Variants in USH2A observed in about 807,000 individuals in gnomAD.
The protein encoded by USH2A is usherin.
USH2A carries 443 observed loss-of-function variants against 538.9 expected under a neutral mutation model. The ratio of observed to expected loss-of-function variants is 0.82; its 90% CI spans 0.76 to 0.89. The LOEUF (loss-of-function observed/expected upper bound fraction) is 0.89, where lower values mean the gene tolerates loss of function less well. USH2A is among the 40% of genes least tolerant of loss of function. USH2A has a pLI of 0.00. For synonymous variants in USH2A, 2,413 were observed against 2,273.5 expected (o/e 1.06, Z -1.75); for missense variants, 6,633 against 6,324.8 (o/e 1.05, Z -1.65).
Position 215,750,416 on chromosome 1 carries a change from C to T in USH2A, c.11390-7081G>A, listed in dbSNP as rs567204015. On this transcript the variant is annotated intron_variant, in intron 58 of 71. Transcript: ENST00000307340. ...TAGGGTGTCCAGCATCATGTTTTGC[C>T]CCTGAGTGGGGCTCAGAAATAATTT... is the stretch of plus-strand genomic sequence containing the variant. Among the ~76,000 whole-genome samples, 5 of 152,150 alleles carry T rather than the reference C, an allele frequency of 3.3e-5. No homozygotes were observed. The South Asian group carries it at 1.0e-3, about 32-fold the overall frequency.
chr1:215,878,890 G>T lies in USH2A; in HGVS notation c.8432C>A (p.Pro2811His). The T allele has an allele frequency of 6.2e-7, 1 of 1,613,972 alleles. No individual in the cohort carries two copies. The highest frequency in any genetic ancestry group is 8.5e-7 in the Non-Finnish European group (1 of 1,179,950). Reference protein sequence around the residue: ...GYLGGCTESLPTYVTTHPTVP... With the variant: ...GYLGGCTESLHTYVTTHPTVP... ...GGTGGGGTGAGTGGTAACATAGGTA[G>T]GTAAACTCTCTGTGCACCCTCCAAG... The change falls in exon 42 of 72, where the codon CCT becomes CAT. Residue 2811 changes from proline (P) to histidine (H), a missense_variant. Physicochemically the swap from Pro to His is moderately conservative, Grantham distance 77. Transcript: ENST00000307340.
At chr1:215,766,131 A>G in intron 56 of USH2A, among the ~76,000 whole-genome samples, 1 of 152,124 alleles carries the variant, frequency 6.6e-6, no homozygotes, top group Admixed American at 6.5e-5. Flanking sequence ...ATCACTGTTC[A>G]TTTGTCAAAA....
Position 216,052,287 on chromosome 1 carries a change from C to T in USH2A, c.6050-3640G>A, listed in dbSNP as rs1226004682. Among the ~76,000 whole-genome samples, 5 of 151,276 alleles carry T rather than the reference C, an allele frequency of 3.3e-5. No homozygotes were observed. The East Asian group carries it at 7.8e-4, about 23-fold the overall frequency. On this transcript the variant is annotated intron_variant, in intron 30 of 71. Coordinates refer to ENST00000307340, the MANE Select transcript of USH2A (RefSeq NM_206933.4). ...ATCTTTCAAGCCATTTATCAAAGTG[C>T]TCACATTTCCCATTTCAAGCCCGGT...
intron 48 of USH2A, among the ~76,000 whole-genome samples, chr1:215,815,966 A>G (rs1662848316): frequency 1.3e-5 from 2 of 152,202 alleles, no homozygotes; most frequent in South Asian, 2.1e-4. Flanking sequence ...TCGTATGCCT[A>G]TACAACTATT....
intron 4 of USH2A, among the ~76,000 whole-genome samples, chr1:216,362,413 G>T (rs11589600): frequency 0.014 from 2,166 of 151,742 alleles, 31 homozygotes; most frequent in Middle Eastern, 0.034. Context: ...GAATGTCAAG[G>T]GTGAAAAAAA....
chr1:215,852,811 C>A (rs951006345), intron 44 of USH2A, among the ~76,000 whole-genome samples: 1 of 152,226 alleles, frequency 6.6e-6, no homozygotes, highest in African/African-American at 2.4e-5. Flanking sequence ...ATCCATGTCT[C>A]ACATCCAGCT....
intron 58 of USH2A, among the ~76,000 whole-genome samples, chr1:215,747,616 C>T (rs73088872): frequency 6.6e-6 from 1 of 152,072 alleles, no homozygotes; most frequent in Admixed American, 6.5e-5. Context: ...TCTTCCTCTC[C>T]GCAAAAAGTA....
intron 35 of USH2A, among the ~76,000 whole-genome samples, chr1:215,977,610 T>C (rs1667652170): frequency 6.6e-6 from 1 of 152,020 alleles, no homozygotes. Flanking sequence ...AGGAGGCGAA[T>C]TAAGCGATTC....
intron 71 of USH2A, among the ~76,000 whole-genome samples, chr1:215,626,892 A>G (rs1018039170): frequency 6.6e-6 from 1 of 152,198 alleles, no homozygotes; most frequent in Non-Finnish European, 1.5e-5. Flanking sequence ...ATTATGTTGA[A>G]TGTATAGCAA....
At chr1:215,729,481 C>T (rs1391823052) in intron 60 of USH2A, among the ~76,000 whole-genome samples, 2 of 152,090 alleles carry the variant, frequency 1.3e-5, no homozygotes, top group Non-Finnish European at 2.9e-5. Flanking sequence ...CTGTTATATG[C>T]CCATCATTGT....
At chr1:216,250,151 A>G (rs1445405951) in intron 12 of USH2A, among the ~76,000 whole-genome samples, 2 of 152,172 alleles carry the variant, frequency 1.3e-5, no homozygotes, top group African/African-American at 4.8e-5. Flanking sequence ...GCACTTGATA[A>G]ATTTTGTCCT....
chr1:216,284,418 TGAA>T (rs1299663937), intron 11 of USH2A, among the ~76,000 whole-genome samples: 2 of 152,300 alleles, frequency 1.3e-5, no homozygotes, highest in East Asian at 3.9e-4. Context: ...TGTCACCATG[TGAA>T]GAAGGATGTG....
chr1:216,103,530 A>G (rs991642191), intron 21 of USH2A, among the ~76,000 whole-genome samples: 5 of 152,242 alleles, frequency 3.3e-5, no homozygotes, highest in African/African-American at 1.2e-4. Flanking sequence ...AATACATTTC[A>G]GCTGATGAAA....
At chr1:216,071,029 C>T (rs938215165) in intron 29 of USH2A, among the ~76,000 whole-genome samples, 1 of 152,158 alleles carries the variant, frequency 6.6e-6, no homozygotes, top group African/African-American at 2.4e-5. Flanking sequence ...TTACCTTTAA[C>T]TATTTATTAG....
chr1:215,766,065 G>A (rs1661118445), intron 56 of USH2A, among the ~76,000 whole-genome samples: 1 of 152,158 alleles, frequency 6.6e-6, no homozygotes, highest in Non-Finnish European at 1.5e-5. Flanking sequence ...TGCCTTCTAA[G>A]GTGATGATTC....
chr1:216,062,537 G>T, intron 30 of USH2A, among the ~76,000 whole-genome samples: 1 of 152,136 alleles, frequency 6.6e-6, no homozygotes, highest in East Asian at 1.9e-4. Flanking sequence ...CACTCACTAT[G>T]TGCCTGTTTC....
chr1:216,017,836 T>G (rs1188079402), intron 32 of USH2A, among the ~76,000 whole-genome samples: 4 of 152,186 alleles, frequency 2.6e-5, no homozygotes, highest in Non-Finnish European at 5.9e-5. Context: ...CTATAATCAA[T>G]CCTTAAATAT....
intron 47 of USH2A, among the ~76,000 whole-genome samples, chr1:215,821,416 T>C (rs957290067): frequency 6.6e-6 from 1 of 151,834 alleles, no homozygotes; most frequent in Non-Finnish European, 1.5e-5. Context: ...GCAATATAAA[T>C]GCCTATTCAG....
intron 61 of USH2A, among the ~76,000 whole-genome samples, chr1:215,694,355 G>C (rs938123274): frequency 4.6e-5 from 7 of 152,128 alleles, no homozygotes; most frequent in Non-Finnish European, 7.4e-5. Flanking sequence ...GGGTAGATCA[G>C]GAGGTCAGGA....
Sources: gnomAD v4.1 joint callset for allele counts (sites outside exome capture counted in the v4.1 genomes callset) on GRCh38, gnomAD v4.1.1 for gene constraint, MANE v1.5 for transcripts, NCBI Gene and HGNC (gene_info 2026-07-23, HGNC 2026-07-21) for gene names.